SLA: variants seen among roughly 807,000 people sequenced by gnomAD.
SLA encodes the protein src-like-adapter.
SLA carries 16 observed loss-of-function variants against 30.3 expected under a neutral mutation model. The ratio of observed to expected loss-of-function variants is 0.53; its 90% CI spans 0.36 to 0.80. The LOEUF (loss-of-function observed/expected upper bound fraction) is 0.80. Among genes scored for constraint, SLA ranks in the 30% least tolerant of loss-of-function variants. SLA has a pLI of 0.01. For missense variants in SLA, 310 were observed against 345.2 expected, an observed-to-expected ratio of 0.90 and a Z score of 0.81; for synonymous variants, 143 against 137.8, an observed-to-expected ratio of 1.04 and a Z score of -0.26.
At chr8:133,073,679 A>G (rs1247946732) in intron 2 of SLA, among the ~76,000 whole-genome samples, 1 of 152,118 alleles carries the variant, frequency 6.6e-6, no homozygotes, top group Non-Finnish European at 1.5e-5. Context: ...AAACCACACA[A>G]TGACAATTTA....
intron 2 of SLA, among the ~76,000 whole-genome samples, chr8:133,067,073 G>C (rs908705928): frequency 6.6e-6 from 1 of 152,132 alleles, no homozygotes; most frequent in South Asian, 2.1e-4. Context: ...CCTGTGGTCT[G>C]ACCCTTCCTT....
intron 3 of SLA, among the ~76,000 whole-genome samples, chr8:133,055,809 T>G: frequency 6.7e-6 from 1 of 150,214 alleles, no homozygotes. Context: ...ATTCCCTTCC[T>G]CCCCCTCCTC....
chr8:133,082,874 C>A lies in SLA; in HGVS notation c.-318-7744G>T, dbSNP rs575446295. 1.6e-4 allele frequency among the ~76,000 whole-genome samples: 24 copies of A among 152,294 alleles called. No homozygotes were observed. In the South Asian group the frequency reaches 4.8e-3, roughly 30 times the overall value. On this transcript the variant is annotated intron_variant, in intron 1 of 8. Transcript: ENST00000338087. ...TATTGTTATCAGTTTATGCTGATAG[C>A]AATTTGCCAAAGCAAACTCGAAACT...
chr8:133,067,426 CCTT>C (rs1843193083), intron 2 of SLA, among the ~76,000 whole-genome samples: 1 of 152,166 alleles, frequency 6.6e-6, no homozygotes, highest in African/African-American at 2.4e-5. Flanking sequence ...CAACTCCTAG[CCTT>C]CTTCTCAGGC....
At chr8:133,100,148 G>A (rs998625650) in intron 1 of SLA, among the ~76,000 whole-genome samples, 28 of 152,272 alleles carry the variant, frequency 1.8e-4, no homozygotes, top group African/African-American at 5.8e-4. Context: ...TCTCAAATAG[G>A]CTGAGCACAT....
In SLA at chr8:133,049,888, A is replaced by T. The variant is rs761360471; in HGVS notation, c.248+14T>A. On this transcript the variant is annotated intron_variant, in intron 5 of 8. Transcript: ENST00000338087. ...CATCATGCTTAATTGCTGCCATTTG[A>T]GAAATGTACTCACCCATGGTAAACT... 1.3e-6 allele frequency: 2 copies of T among 1,542,936 alleles called. No individual in the cohort carries two copies. The highest frequency in any genetic ancestry group is 3.3e-5 in the Admixed American group (2 of 59,922).
intron 3 of SLA, among the ~76,000 whole-genome samples, chr8:133,057,815 T>C (rs1337601025): frequency 2.0e-5 from 3 of 151,870 alleles, no homozygotes; most frequent in Middle Eastern, 3.2e-3. Flanking sequence ...AAAGCCATGT[T>C]CCAAGGCATT....
intron 2 of SLA, among the ~76,000 whole-genome samples, chr8:133,061,461 C>T (rs898685642): frequency 1.3e-5 from 2 of 152,180 alleles, no homozygotes; most frequent in Non-Finnish European, 2.9e-5. Flanking sequence ...TACTGATTGT[C>T]CTTAATGATA....
chr8:133,040,202 A>G, intron 7 of SLA, 72 bp from the exon 8 acceptor site: 2 of 1,509,974 alleles, frequency 1.3e-6, no homozygotes, highest in Non-Finnish European at 1.8e-6. Flanking sequence ...CAGGCCTGAG[A>G]CACTCTCCAG....
intron 3 of SLA, among the ~76,000 whole-genome samples, chr8:133,051,372 G>A (rs527593945): frequency 6.6e-5 from 10 of 152,240 alleles, no homozygotes; most frequent in African/African-American, 2.2e-4. Context: ...CCAATGCCTC[G>A]GGTGTCCACT....
chr8:133,089,102 G>A (rs1847083330), intron 1 of SLA, among the ~76,000 whole-genome samples: 1 of 152,146 alleles, frequency 6.6e-6, no homozygotes, highest in Non-Finnish European at 1.5e-5. Flanking sequence ...GTGGAGACAT[G>A]GCACTCTGGG....
intron 1 of SLA, chr8:133,094,657 G>T: frequency 3.1e-6 from 1 of 323,726 alleles, no homozygotes; most frequent in Non-Finnish European, 6.0e-6. Flanking sequence ...CCCCCCAGGA[G>T]GTGCTGGTGG....
chr8:133,064,638 G>A (rs779905565), intron 2 of SLA, among the ~76,000 whole-genome samples: 2 of 152,250 alleles, frequency 1.3e-5, no homozygotes, highest in Admixed American at 6.5e-5. Context: ...ATGGCATGGA[G>A]AGGTCACATA....
At chr8:133,081,890 A>G (rs914165738) in intron 1 of SLA, among the ~76,000 whole-genome samples, 3 of 152,220 alleles carry the variant, frequency 2.0e-5, no homozygotes, top group Non-Finnish European at 4.4e-5. Context: ...ACGGATTGTC[A>G]CACAGGCCCC....
intron 2 of SLA, among the ~76,000 whole-genome samples, chr8:133,064,673 C>T (rs558918078): frequency 3.9e-5 from 6 of 152,342 alleles, no homozygotes; most frequent in East Asian, 3.9e-4. Context: ...CCGTCGACAA[C>T]GTGGGATATG....
chr8:133,055,022 G>A (rs534734575), intron 3 of SLA, among the ~76,000 whole-genome samples: 4 of 152,296 alleles, frequency 2.6e-5, no homozygotes, highest in Admixed American at 2.6e-4. Flanking sequence ...GGGTGAAGAA[G>A]CCAAAGCTGG....
At chr8:133,086,098 C>A (rs1365049692) in intron 1 of SLA, among the ~76,000 whole-genome samples, 2 of 152,172 alleles carry the variant, frequency 1.3e-5, no homozygotes, top group Non-Finnish European at 2.9e-5. Context: ...AGAAGCCAGA[C>A]ACAGAAGGCT....
At chr8:133,067,859 A>G (rs575795974) in intron 2 of SLA, among the ~76,000 whole-genome samples, 1,379 of 76,270 alleles carry the variant, frequency 0.018, 27 homozygotes, top group African/African-American at 0.087. Flanking sequence ...AGAGAGAAAG[A>G]AAGAAAGAAA....
chr8:133,072,734 C>T (rs1844253390), intron 2 of SLA, among the ~76,000 whole-genome samples: 1 of 152,188 alleles, frequency 6.6e-6, no homozygotes, highest in Non-Finnish European at 1.5e-5. Flanking sequence ...AAATACATTG[C>T]CAGATTTCAC....
Sources: allele counts gnomAD v4.1 joint callset (sites outside exome capture counted in the v4.1 genomes callset), GRCh38; gene constraint gnomAD v4.1.1; transcripts MANE v1.5; gene names NCBI Gene and HGNC (gene_info 2026-07-23, HGNC 2026-07-21).